Variants in CSMD1 observed in about 807,000 individuals in gnomAD.
CSMD1 encodes the protein CUB and Sushi multiple domains 1, also known as CUB and sushi domain-containing protein 1.
A neutral mutation model predicts 417.5 loss-of-function variants in CSMD1; 213 were observed. That is an observed-to-expected ratio of 0.51 (90% CI 0.46 to 0.57). CSMD1 has a LOEUF of 0.57. Ranked by LOEUF, CSMD1 falls within the 20% of genes least tolerant of loss-of-function variation. CSMD1 has a pLI of 0.00. For missense variants in CSMD1, 6,923 were observed against 4,529.7 expected (o/e 1.53, Z -15.17); for synonymous variants, 2,862 against 1,736.8 (o/e 1.65, Z -16.11).
intron 15 of CSMD1, among the ~76,000 whole-genome samples, chr8:3,405,625 A>G (rs1812299414): frequency 6.6e-6 from 1 of 151,920 alleles, no homozygotes; most frequent in African/African-American, 2.4e-5. Context: ...GGGGACCCCC[A>G]ATCCAATATG....
intron 12 of CSMD1, among the ~76,000 whole-genome samples, chr8:3,446,339 A>C (rs917733998): frequency 6.6e-6 from 1 of 152,234 alleles, no homozygotes; most frequent in Non-Finnish European, 1.5e-5. Context: ...CAAGTCACAA[A>C]TTTACATAGA....
intron 2 of CSMD1, among the ~76,000 whole-genome samples, chr8:4,466,914 T>A (rs1800206583): frequency 6.6e-6 from 1 of 151,868 alleles, no homozygotes; most frequent in African/African-American, 2.4e-5. Context: ...TACAGTGTGT[T>A]TTTACAGCAT....
intron 10 of CSMD1, among the ~76,000 whole-genome samples, chr8:3,558,386 C>T (rs1223016368): frequency 1.7e-4 from 24 of 143,070 alleles, no homozygotes; most frequent in South Asian, 2.2e-4. Context: ...AGTAGTACCC[C>T]GTGTCCACTT....
intron 2 of CSMD1, among the ~76,000 whole-genome samples, chr8:4,565,719 C>T (rs144490197): frequency 2.1e-5 from 3 of 141,428 alleles, no homozygotes; most frequent in African/African-American, 8.1e-5. Flanking sequence ...TGGGTGACAG[C>T]GCAACACTCC....
rs775804528 is a variant in CSMD1 at position 4,419,943 on chromosome 8, A to G, written c.415+10T>C. 4 of 1,535,950 alleles carry G rather than the reference A, an allele frequency of 2.6e-6. No homozygotes were observed. In the Admixed American group the frequency reaches 7.6e-5, roughly 29 times the overall value. On this transcript the variant is annotated intron_variant, in intron 3 of 69. Coordinates refer to ENST00000635120, the MANE Select transcript of CSMD1 (RefSeq NM_033225.6). ...GTGAATGCATGTGCAAAACACAACC[A>G]ATCTCCTACCTTCATATAATGCTTT...
chr8:3,880,560 G>A (rs779832828), intron 5 of CSMD1, among the ~76,000 whole-genome samples: 4 of 152,130 alleles, frequency 2.6e-5, no homozygotes, highest in Non-Finnish European at 2.9e-5. Context: ...CAGTAGCATT[G>A]TGAATAGCCA....
chr8:3,525,732 G>T (rs746002031), intron 10 of CSMD1, among the ~76,000 whole-genome samples: 2 of 152,072 alleles, frequency 1.3e-5, no homozygotes, highest in Non-Finnish European at 1.5e-5. Context: ...CCTAGTTGTC[G>T]CAATGTACTT....
chr8:3,221,964 C>T (rs1042957588), intron 28 of CSMD1, among the ~76,000 whole-genome samples: 1 of 152,118 alleles, frequency 6.6e-6, no homozygotes, highest in Non-Finnish European at 1.5e-5. Flanking sequence ...CAGCCCTCAT[C>T]AGCGCCAGCC....
chr8:4,448,609 T>C (rs983639605), intron 2 of CSMD1, among the ~76,000 whole-genome samples: 15 of 152,216 alleles, frequency 9.9e-5, no homozygotes, highest in African/African-American at 3.6e-4. Flanking sequence ...TAGTATCAAT[T>C]AATAAATGTA....
intron 5 of CSMD1, among the ~76,000 whole-genome samples, chr8:3,872,993 C>T (rs1229688256): frequency 6.6e-6 from 1 of 151,930 alleles, no homozygotes; most frequent in African/African-American, 2.4e-5. Context: ...CAAATCAAAA[C>T]CACAGTGAGA....
intron 50 of CSMD1, chr8:3,043,801 G>A (rs781776380): frequency 1.3e-5 from 2 of 152,288 alleles, no homozygotes; most frequent in Admixed American, 6.6e-5. Flanking sequence ...CACATTATAA[G>A]GCAAACAGTG....
intron 1 of CSMD1, among the ~76,000 whole-genome samples, chr8:4,847,377 A>G (rs909205843): frequency 8.5e-5 from 13 of 152,216 alleles, no homozygotes; most frequent in African/African-American, 2.9e-4. Flanking sequence ...TCAGATACCA[A>G]ATAAAAATAA....
At chr8:4,668,414 CCATTATTATTATTAT>C (rs1249158035) in intron 1 of CSMD1, among the ~76,000 whole-genome samples, 1 of 123,198 alleles carries the variant, frequency 8.1e-6, no homozygotes, top group Non-Finnish European at 1.7e-5. Context: ...TTGATGTTTT[CCATTATTATTATTAT>C]TATTATTATT....
chr8:3,687,760 G>A (rs1350848935), intron 7 of CSMD1, among the ~76,000 whole-genome samples: 2 of 152,120 alleles, frequency 1.3e-5, no homozygotes, highest in African/African-American at 4.8e-5. Context: ...CTTGAGTAAC[G>A]GCCAAGTCTG....
At chr8:4,464,447 A>T (rs1207745592) in intron 2 of CSMD1, among the ~76,000 whole-genome samples, 2 of 152,330 alleles carry the variant, frequency 1.3e-5, no homozygotes, top group South Asian at 4.1e-4. Flanking sequence ...CAGAACACGC[A>T]CATTAGCCTA....
chr8:4,344,658 T>C (rs1383817142), intron 3 of CSMD1, among the ~76,000 whole-genome samples: 1 of 151,860 alleles, frequency 6.6e-6, no homozygotes, highest in African/African-American at 2.4e-5. Context: ...CACTCAAGAA[T>C]TGAATCAATA....
chr8:4,701,212 C>T (rs887897262), intron 1 of CSMD1, among the ~76,000 whole-genome samples: 3 of 152,040 alleles, frequency 2.0e-5, no homozygotes, highest in Non-Finnish European at 4.4e-5. Context: ...CCCGACTGTT[C>T]TTTGCTCAGA....
chr8:4,886,568 T>A (rs986717750), intron 1 of CSMD1, among the ~76,000 whole-genome samples: 2 of 152,050 alleles, frequency 1.3e-5, no homozygotes, highest in Middle Eastern at 6.8e-3. Context: ...GTGGATATAT[T>A]TACATTAGGT....
At chr8:3,771,515 C>G (rs1423011177) in intron 5 of CSMD1, among the ~76,000 whole-genome samples, 1 of 152,144 alleles carries the variant, frequency 6.6e-6, no homozygotes, top group Non-Finnish European at 1.5e-5. Flanking sequence ...CAGTTTGGAG[C>G]TTCTGCTCAT....
Sources: allele counts gnomAD v4.1 joint callset (sites outside exome capture counted in the v4.1 genomes callset), GRCh38; gene constraint gnomAD v4.1.1; transcripts MANE v1.5; gene names NCBI Gene and HGNC (gene_info 2026-07-23, HGNC 2026-07-21).